The following RPAP2 variants were observed in gnomAD, a reference collection of about 807,000 sequenced individuals.
The protein encoded by RPAP2 is RNA polymerase II associated protein 2, also known as putative RNA polymerase II subunit B1 CTD phosphatase RPAP2.
A neutral mutation model predicts 73.1 loss-of-function variants in RPAP2; 52 were observed. The ratio of observed to expected loss-of-function variants is 0.71; its 90% CI spans 0.57 to 0.90. The LOEUF is 0.90. Among genes scored for constraint, RPAP2 ranks in the 40% least tolerant of loss-of-function variants. RPAP2 has a pLI of 0.00. For synonymous variants in RPAP2, 225 were observed against 242.1 expected (o/e 0.93, Z 0.65); for missense variants, 598 against 701.8 (o/e 0.85, Z 1.67).
chr1:92,374,756 C>T (rs146891036), intron 11 of RPAP2, among the ~76,000 whole-genome samples: 6 of 152,244 alleles, frequency 3.9e-5, no homozygotes, highest in Admixed American at 3.9e-4. Context: ...GCCCAGTAAG[C>T]AGCCAGACTG....
At chr1:92,364,847 T>A (rs1250661861) in intron 11 of RPAP2, among the ~76,000 whole-genome samples, 1 of 152,142 alleles carries the variant, frequency 6.6e-6, no homozygotes, top group East Asian at 1.9e-4. Flanking sequence ...AAAAATCATC[T>A]CACTGAAGCT....
In RPAP2 at chr1:92,396,181, A is replaced by G. The variant is rs1656178043; in HGVS notation, c.*9170A>G. On this transcript the variant is annotated 3_prime_UTR_variant, in exon 13 of 13. Coordinates refer to ENST00000610020, the MANE Select transcript of RPAP2 (RefSeq NM_024813.3). The stretch of plus-strand genomic sequence containing the variant: ...ATATTAGTCAAAAAGTGGAAACCAA[A>G]TGACCATCAACTACTGGATTTTTTT... 6.6e-6 allele frequency: 1 copy of G among 152,094 alleles called. No homozygotes were observed. The highest frequency in any genetic ancestry group is 2.4e-5 in the African/African-American group (1 of 41,426). 9.4% of individuals were successfully genotyped at this position (152,094 alleles called of 1,614,324 possible). A position where few individuals can be genotyped will look rare whatever the true frequency, so the allele number is the denominator to read the frequency against.
chr1:92,329,547 C>T (rs79491239), intron 8 of RPAP2, among the ~76,000 whole-genome samples: 20,286 of 152,254 alleles, frequency 0.13, 1,830 homozygotes, highest in Non-Finnish European at 0.2. Flanking sequence ...AGCAAGCTGA[C>T]TCACAGTTCC....
intron 11 of RPAP2, among the ~76,000 whole-genome samples, chr1:92,360,974 T>C (rs1195521098): frequency 1.3e-5 from 2 of 151,948 alleles, no homozygotes; most frequent in African/African-American, 4.8e-5. Context: ...CTAACCTTTA[T>C]TTTCTCATAT....
At chr1:92,331,504 TA>T (rs1652966888) in intron 8 of RPAP2, among the ~76,000 whole-genome samples, 2 of 152,300 alleles carry the variant, frequency 1.3e-5, no homozygotes, top group South Asian at 4.1e-4. Flanking sequence ...TACTGATCAT[TA>T]AATGGTTACC....
intron 3 of RPAP2, among the ~76,000 whole-genome samples, chr1:92,302,590 A>ATATT (rs752272382): frequency 4.0e-5 from 3 of 74,318 alleles, no homozygotes; most frequent in African/African-American, 1.7e-4. Context: ...TCCGCATTAA[A>ATATT]TTTTTTTTTT....
intron 6 of RPAP2, among the ~76,000 whole-genome samples, chr1:92,319,432 T>C (rs1043132535): frequency 7.9e-5 from 12 of 152,180 alleles, no homozygotes; most frequent in African/African-American, 2.9e-4. Flanking sequence ...TGAGGATCAA[T>C]ATCTGTAAAG....
At chr1:92,352,176 C>G (rs1654254312) in intron 11 of RPAP2, among the ~76,000 whole-genome samples, 1 of 152,192 alleles carries the variant, frequency 6.6e-6, no homozygotes, top group African/African-American at 2.4e-5. Context: ...TTCCAGTGAA[C>G]TGTGGCCCGC....
At chr1:92,301,647 C>A in intron 3 of RPAP2, 57 bp downstream of exon 3, 1 of 653,776 alleles carries the variant, frequency 1.5e-6, no homozygotes, top group South Asian at 2.8e-5. Flanking sequence ...TAAATCTGTG[C>A]AGCATGAAAC....
chr1:92,337,929 G>T (rs1653369900), intron 10 of RPAP2, among the ~76,000 whole-genome samples: 1 of 152,004 alleles, frequency 6.6e-6, no homozygotes, highest in Admixed American at 6.6e-5. Flanking sequence ...TTCTGTTTTA[G>T]ATTATTTAAA....
chr1:92,333,478 G>A lies in RPAP2; in HGVS notation c.1538+5G>A, dbSNP rs1246530049. 8 of 1,598,808 alleles carry A rather than the reference G, an allele frequency of 5.0e-6. No homozygotes were observed. Among genetic ancestry groups the A allele is most frequent in the Non-Finnish European group, 6.9e-6 (8 of 1,166,422 alleles). On this transcript the variant is annotated splice_donor_5th_base_variant and intron_variant, in intron 9 of 12. Transcript: ENST00000610020. ...ACTTGAAAAGTTGAGTAAAGTGTAA[G>A]TATGTAATTGCCATTCCAGCTTTGT...
intron 5 of RPAP2, among the ~76,000 whole-genome samples, chr1:92,304,971 C>T (rs757299120): frequency 4.6e-5 from 7 of 151,720 alleles, no homozygotes; most frequent in Non-Finnish European, 8.8e-5. Context: ...CCTGTCTCTA[C>T]AAAAAGTACA....
chr1:92,380,856 C>A lies in RPAP2; in HGVS notation c.1821C>A (p.Thr607=). ...DLESLTIIFR[T]SCLPE ...AAAGTCTAACCATCATATTTAGAACCAGCTGTTTACCAGAGTGGTAAGTTG... is the reference window on the plus strand; with the variant it reads ...AAAGTCTAACCATCATATTTAGAACAAGCTGTTTACCAGAGTGGTAAGTTG... Residue 607 remains threonine, a synonymous_variant, in exon 12 of 13, where the codon ACC becomes ACA. Coordinates refer to ENST00000610020, the MANE Select transcript of RPAP2 (RefSeq NM_024813.3). 6.3e-7 allele frequency: 1 copy of A among 1,581,282 alleles called. No homozygotes were observed. Among genetic ancestry groups the A allele is most frequent in the South Asian group, 1.2e-5 (1 of 84,996 alleles).
intron 3 of RPAP2, among the ~76,000 whole-genome samples, chr1:92,302,699 T>G (rs1414874778): frequency 1.4e-5 from 2 of 145,034 alleles, no homozygotes; most frequent in African/African-American, 2.5e-5. Flanking sequence ...CCTCCCGTGT[T>G]CACGCCATTC....
intron 8 of RPAP2, among the ~76,000 whole-genome samples, chr1:92,330,671 C>T (rs369681101): frequency 6.6e-6 from 1 of 151,918 alleles, no homozygotes; most frequent in Non-Finnish European, 1.5e-5. Context: ...AGGTTGGTCT[C>T]GAACTCGTGA....
intron 11 of RPAP2, among the ~76,000 whole-genome samples, 182 bp downstream of exon 11, chr1:92,346,096 T>C (rs994586090): frequency 8.5e-5 from 13 of 152,140 alleles, no homozygotes; most frequent in Non-Finnish European, 2.9e-5. Flanking sequence ...GTAATTATTC[T>C]CTATATTTTT....
intron 6 of RPAP2, among the ~76,000 whole-genome samples, chr1:92,315,043 C>A (rs1237076296): frequency 6.7e-6 from 1 of 150,052 alleles, no homozygotes; most frequent in East Asian, 1.9e-4. Context: ...GACTCTGTCT[C>A]AAAATCATAA....
At chr1:92,356,655 G>A (rs1423927129) in intron 11 of RPAP2, among the ~76,000 whole-genome samples, 9 of 146,828 alleles carry the variant, frequency 6.1e-5, no homozygotes, top group African/African-American at 1.5e-4. Context: ...GACTGGTCTC[G>A]AACTCCTGGC....
In RPAP2 at chr1:92,401,939, A is replaced by C. The variant is rs915618572; in HGVS notation, c.*14928A>C. On this transcript the variant is annotated 3_prime_UTR_variant, in exon 13 of 13. Coordinates refer to ENST00000610020, the MANE Select transcript of RPAP2 (RefSeq NM_024813.3). Reference sequence around the variant, plus strand: ...CTTTGTAAATTGCTGTATTCATTTTAGTTTCTTCAGGATTTTGCCTATGTT... The same window carrying C: ...CTTTGTAAATTGCTGTATTCATTTTCGTTTCTTCAGGATTTTGCCTATGTT... The C allele has an allele frequency of 6.6e-6, 1 of 152,122 alleles. No individual in the cohort carries two copies. The highest frequency in any genetic ancestry group is 2.1e-4 in the South Asian group (1 of 4,832). The allele number at this position is 152,122 out of a possible 1,614,324, so 9.4% of individuals were successfully genotyped here.
Sources: allele counts gnomAD v4.1 joint callset (sites outside exome capture counted in the v4.1 genomes callset), GRCh38; gene constraint gnomAD v4.1.1; transcripts MANE v1.5; gene names NCBI Gene and HGNC (gene_info 2026-07-23, HGNC 2026-07-21).